The following PIP4K2A variants were observed in gnomAD, a reference collection of about 807,000 sequenced individuals.
The protein encoded by PIP4K2A is phosphatidylinositol 5-phosphate 4-kinase type-2 alpha.
Under a neutral mutation model 42.9 loss-of-function variants are expected in PIP4K2A, and 14 were observed. The observed-to-expected ratio is 0.33, with a 90% CI of 0.22 to 0.51. The LOEUF (loss-of-function observed/expected upper bound fraction) is 0.51, where lower values mean the gene tolerates loss of function less well. Among genes scored for constraint, PIP4K2A ranks in the 20% least tolerant of loss-of-function variants. PIP4K2A has a pLI of 0.97. For missense variants in PIP4K2A, 434 were observed against 519.8 expected (o/e 0.83, Z 1.61); for synonymous variants, 192 against 192.2 (o/e 1.00, Z 0.01).
chr10:22,566,074 A>G (rs927679132), intron 6 of PIP4K2A, among the ~76,000 whole-genome samples: 1 of 152,092 alleles, frequency 6.6e-6, no homozygotes, highest in Non-Finnish European at 1.5e-5. Flanking sequence ...ACCTGCCTCC[A>G]CTTGCCTTGT....
intron 6 of PIP4K2A, among the ~76,000 whole-genome samples, chr10:22,565,470 C>T (rs571627194): frequency 6.6e-6 from 1 of 152,198 alleles, no homozygotes; most frequent in African/African-American, 2.4e-5. Context: ...ACACTTATCA[C>T]TTCCCCAATC....
chr10:22,601,096 G>C (rs776479121), intron 3 of PIP4K2A, among the ~76,000 whole-genome samples: 34 of 121,426 alleles, frequency 2.8e-4, no homozygotes, highest in Middle Eastern at 6.3e-3. Context: ...TAAAACACCA[G>C]GGACCCAGCC....
chr10:22,634,529 C>T (rs971893880), intron 1 of PIP4K2A, among the ~76,000 whole-genome samples: 1 of 152,140 alleles, frequency 6.6e-6, no homozygotes, highest in Non-Finnish European at 1.5e-5. Flanking sequence ...GGCATTTACT[C>T]GCTTGTTTCT....
chr10:22,585,417 A>G (rs1249615176), intron 4 of PIP4K2A, among the ~76,000 whole-genome samples: 3 of 152,178 alleles, frequency 2.0e-5, no homozygotes, highest in Admixed American at 1.3e-4. Flanking sequence ...TTTTTTATCA[A>G]TTTTACCCAT....
At chr10:22,673,870 T>C (rs1279921090) in intron 1 of PIP4K2A, among the ~76,000 whole-genome samples, 1 of 152,188 alleles carries the variant, frequency 6.6e-6, no homozygotes, top group Non-Finnish European at 1.5e-5. Context: ...ATGGCACTCA[T>C]TTCTATGGTT....
In PIP4K2A at chr10:22,714,419, C is replaced by T; in HGVS notation, c.-93G>A. On this transcript the variant is annotated 5_prime_UTR_variant, in exon 1 of 10. Coordinates refer to ENST00000376573, the MANE Select transcript of PIP4K2A (RefSeq NM_005028.5). Reference sequence around the variant, plus strand: ...GCCCGGGGAGGCAGCCGCATCCCCCCGGCGGCGGCCCCGGCGCGCCGCGCT... The same window carrying T: ...GCCCGGGGAGGCAGCCGCATCCCCCTGGCGGCGGCCCCGGCGCGCCGCGCT... 2.2e-6 allele frequency: 2 copies of T among 894,174 alleles called. No individual in the cohort carries two copies. Among genetic ancestry groups the T allele is most frequent in the Non-Finnish European group, 2.8e-6 (2 of 724,112 alleles). 55.4% of individuals were successfully genotyped at this position (894,174 alleles called of 1,614,324 possible). A position where few individuals can be genotyped will look rare whatever the true frequency, so the allele number is the denominator to read the frequency against.
intron 1 of PIP4K2A, among the ~76,000 whole-genome samples, chr10:22,642,344 CAA>C (rs1031216483): frequency 5.3e-5 from 8 of 152,182 alleles, no homozygotes; most frequent in Non-Finnish European, 1.0e-4. Context: ...TGGTTTGAGG[CAA>C]ACCAATTTAT....
At chr10:22,654,822 C>A (rs1356928166) in intron 1 of PIP4K2A, among the ~76,000 whole-genome samples, 1 of 152,180 alleles carries the variant, frequency 6.6e-6, no homozygotes, top group Non-Finnish European at 1.5e-5. Flanking sequence ...ATGTGTGCGA[C>A]TGCTTTGAAA....
At chr10:22,653,390 A>G (rs1030750820) in intron 1 of PIP4K2A, among the ~76,000 whole-genome samples, 24 of 152,102 alleles carry the variant, frequency 1.6e-4, no homozygotes, top group Admixed American at 1.4e-3. Flanking sequence ...ACCCTGGGCC[A>G]CTTACTCTAA....
At chr10:22,625,549 T>A (rs1838420167) in intron 1 of PIP4K2A, among the ~76,000 whole-genome samples, 1 of 152,204 alleles carries the variant, frequency 6.6e-6, no homozygotes, top group African/African-American at 2.4e-5. Flanking sequence ...AAAATACACC[T>A]ATCTTTATGC....
intron 1 of PIP4K2A, among the ~76,000 whole-genome samples, chr10:22,678,683 G>C (rs1402357047): frequency 2.0e-5 from 3 of 152,048 alleles, no homozygotes; most frequent in Non-Finnish European, 4.4e-5. Context: ...GACAAATCTT[G>C]GTACTTAGAT....
intron 4 of PIP4K2A, among the ~76,000 whole-genome samples, chr10:22,579,409 A>T (rs1220213996): frequency 6.6e-6 from 1 of 152,230 alleles, no homozygotes; most frequent in Non-Finnish European, 1.5e-5. Flanking sequence ...AATTCTCTCA[A>T]CTTCCCAAAG....
intron 1 of PIP4K2A, among the ~76,000 whole-genome samples, chr10:22,651,111 T>C (rs1328664989): frequency 1.3e-5 from 2 of 152,202 alleles, no homozygotes; most frequent in Admixed American, 6.5e-5. Context: ...AAGTTAATTA[T>C]GCCAGAAAAC....
intron 1 of PIP4K2A, among the ~76,000 whole-genome samples, chr10:22,709,386 G>T (rs1301353247): frequency 6.6e-6 from 1 of 152,168 alleles, no homozygotes; most frequent in African/African-American, 2.4e-5. Context: ...GAGCCCATCA[G>T]TTCCAAAGTT....
At chr10:22,540,273 C>T (rs1836070324) in intron 8 of PIP4K2A, among the ~76,000 whole-genome samples, 199 bp from the exon 9 acceptor site, 1 of 152,124 alleles carries the variant, frequency 6.6e-6, no homozygotes, top group East Asian at 1.9e-4. Context: ...CTGACCCAGT[C>T]CCCCTGCAAT....
chr10:22,663,230 T>C (rs1334863828), intron 1 of PIP4K2A, among the ~76,000 whole-genome samples: 1 of 152,224 alleles, frequency 6.6e-6, no homozygotes, highest in Non-Finnish European at 1.5e-5. Context: ...GACTCTTTGT[T>C]GTGACTGTAA....
At chr10:22,688,193 A>G (rs991987206) in intron 1 of PIP4K2A, among the ~76,000 whole-genome samples, 1 of 152,192 alleles carries the variant, frequency 6.6e-6, no homozygotes, top group Non-Finnish European at 1.5e-5. Flanking sequence ...AATATTTTTA[A>G]AGAAGAAAAT....
chr10:22,678,334 T>A (rs1362313459), intron 1 of PIP4K2A, among the ~76,000 whole-genome samples: 6 of 151,886 alleles, frequency 4.0e-5, no homozygotes, highest in Non-Finnish European at 8.8e-5. Flanking sequence ...GGTCCCTGAA[T>A]TCTTTTTAGC....
Position 22,539,984 on chromosome 10 carries a change from GT to G in PIP4K2A, c.1126del (p.Thr376LeufsTer13). 2 of 1,602,096 alleles carry G rather than the reference GT, an allele frequency of 1.2e-6. No individual in the cohort carries two copies. Among genetic ancestry groups the G allele is most frequent in the Non-Finnish European group, 8.6e-7 (1 of 1,169,124 alleles). ...GGAGATACTCACGCCATGTTTAACA[GT>G]TTTTGCAGCATGGGCAGCTTTCTTT... ...AKKKAAHAAK[T>X]VKHGAGAEIS... On this transcript the variant is annotated frameshift_variant, in exon 9 of 10. Transcript: ENST00000376573. LOFTEE classifies it high-confidence loss of function.
Sources: gnomAD v4.1 joint callset for allele counts (sites outside exome capture counted in the v4.1 genomes callset) on GRCh38, gnomAD v4.1.1 for gene constraint, MANE v1.5 for transcripts, NCBI Gene and HGNC (gene_info 2026-07-23, HGNC 2026-07-21) for gene names.